The following HMGN4 variants were observed in gnomAD, a reference collection of about 807,000 sequenced individuals.
HMGN4 encodes high mobility group nucleosomal binding domain 4, also known as high mobility group nucleosome-binding domain-containing protein 4.
For missense variants in HMGN4, 69 were observed against 104.9 expected (o/e 0.66, Z 1.49); for synonymous variants, 39 against 39.1 (o/e 1.00, Z 0.01).
chr6:26,540,709 T>C (rs1419934295), intron 1 of HMGN4, among the ~76,000 whole-genome samples: 2 of 152,206 alleles, frequency 1.3e-5, no homozygotes, highest in African/African-American at 4.8e-5. Context: ...TTCTTAACTT[T>C]CTTCCAGATC....
intron 1 of HMGN4, among the ~76,000 whole-genome samples, chr6:26,540,614 G>A (rs1358701004): frequency 6.6e-6 from 1 of 152,124 alleles, no homozygotes; most frequent in Non-Finnish European, 1.5e-5. Flanking sequence ...GATTACAGGC[G>A]TGAGCCACCA....
intron 1 of HMGN4, among the ~76,000 whole-genome samples, chr6:26,544,562 C>T (rs1413708974): frequency 1.3e-5 from 2 of 150,202 alleles, no homozygotes; most frequent in Non-Finnish European, 1.5e-5. Flanking sequence ...CTGTCCACAC[C>T]TCCAAGAATC....
chr6:26,543,780 A>C (rs1160624087), intron 1 of HMGN4, among the ~76,000 whole-genome samples: 1 of 146,692 alleles, frequency 6.8e-6, no homozygotes, highest in Non-Finnish European at 1.5e-5. Context: ...AAAAAAAAAA[A>C]AAAAAAAAAA....
At chr6:26,541,619 A>G (rs1392407871) in intron 1 of HMGN4, among the ~76,000 whole-genome samples, 1 of 152,178 alleles carries the variant, frequency 6.6e-6, no homozygotes, top group Non-Finnish European at 1.5e-5. Context: ...GGGCCCACCC[A>G]TAATACCCTA....
At chr6:26,541,227 G>A (rs927523536) in intron 1 of HMGN4, among the ~76,000 whole-genome samples, 1 of 152,052 alleles carries the variant, frequency 6.6e-6, no homozygotes, top group African/African-American at 2.4e-5. Flanking sequence ...TGTATTTTTA[G>A]TAGAGATAGG....
At chr6:26,544,737 T>C (rs1764328179) in intron 1 of HMGN4, among the ~76,000 whole-genome samples, 1 of 152,228 alleles carries the variant, frequency 6.6e-6, no homozygotes, top group Non-Finnish European at 1.5e-5. Flanking sequence ...CCCTTGATAT[T>C]GTCAGACAAC....
intron 1 of HMGN4, among the ~76,000 whole-genome samples, chr6:26,543,768 C>CAAAAA (rs60635902): frequency 2.6e-5 from 1 of 38,332 alleles, no homozygotes; most frequent in Non-Finnish European, 4.2e-5. Context: ...GACTCTATCT[C>CAAAAA]AAAAAAAAAA....
chr6:26,545,546 C>G lies in HMGN4; in HGVS notation c.*67C>G. On this transcript the variant is annotated 3_prime_UTR_variant, in exon 2 of 2. Coordinates refer to ENST00000377575, the MANE Select transcript of HMGN4 (RefSeq NM_006353.3). Reference sequence around the variant, plus strand: ...TGTTTGAAATACTATTTTTTTAAATCAAGTTTTATAAAAGTGTAGAATTTT... The same window carrying G: ...TGTTTGAAATACTATTTTTTTAAATGAAGTTTTATAAAAGTGTAGAATTTT... 2.1e-6 allele frequency: 3 copies of G among 1,426,424 alleles called. No individual in the cohort carries two copies. The highest frequency in any genetic ancestry group is 2.8e-6 in the Non-Finnish European group (3 of 1,071,134). The allele number at this position is 1,426,424 out of a possible 1,614,324, so 88.4% of individuals were successfully genotyped here.
Position 26,542,092 on chromosome 6 carries a change from TTAA to T in HMGN4, c.-80-3030_-80-3028del, listed in dbSNP as rs1330741808. ...ATTACTAGTAAGATTTATCTGCCAGTTAATAATTTTTCTTTTCTTCCACATGCA... is the reference window on the plus strand; with the variant it reads ...ATTACTAGTAAGATTTATCTGCCAGTTAATTTTTCTTTTCTTCCACATGCA... On this transcript the variant is annotated intron_variant, in intron 1 of 1. Transcript: ENST00000377575. This position sits in a 1 kb window ranked among gnomAD's most constrained non-coding sequence, Gnocchi z 4.6. 6.6e-6 allele frequency among the ~76,000 whole-genome samples: 1 copy of T among 152,258 alleles called. No individual in the cohort carries two copies.
Position 26,545,571 on chromosome 6 carries a change from T to C in HMGN4, c.*92T>C, listed in dbSNP as rs1764339728. On this transcript the variant is annotated 3_prime_UTR_variant, in exon 2 of 2. Transcript: ENST00000377575. ...CAAGTTTTATAAAAGTGTAGAATTT[T>C]GGCTTTTTTAAGTTATGTTGTTAGC... 2.2e-6 allele frequency: 3 copies of C among 1,375,124 alleles called. No individual in the cohort carries two copies. Among genetic ancestry groups the C allele is most frequent in the South Asian group, 1.7e-5 (1 of 59,666 alleles). The allele number at this position is 1,375,124 out of a possible 1,614,324, so 85.2% of individuals were successfully genotyped here.
At chr6:26,543,787 A>C (rs944493329) in intron 1 of HMGN4, among the ~76,000 whole-genome samples, 2 of 148,142 alleles carry the variant, frequency 1.4e-5, no homozygotes, top group African/African-American at 4.9e-5. Flanking sequence ...AAAAAAAAAA[A>C]AAAAAAAACT....
At chr6:26,540,365 T>G (rs6913398) in intron 1 of HMGN4, among the ~76,000 whole-genome samples, 75,222 of 150,366 alleles carry the variant, frequency 0.5, 19,094 homozygotes, top group East Asian at 0.74. Context: ...GACCGGGTCT[T>G]GCTCTGTCAC....
Position 26,542,126 on chromosome 6 carries a change from G to A in HMGN4, c.-80-3001G>A, listed in dbSNP as rs185100572. 6.6e-5 allele frequency among the ~76,000 whole-genome samples: 10 copies of A among 152,178 alleles called. No homozygotes were observed. In the East Asian group the frequency reaches 1.9e-3, roughly 29 times the overall value. The stretch of plus-strand genomic sequence containing the variant: ...TTTCTTTTCTTCCACATGCATGAAG[G>A]AGTATTTGTAATGACTTTTATATTT... On this transcript the variant is annotated intron_variant, in intron 1 of 1. Coordinates refer to ENST00000377575, the MANE Select transcript of HMGN4 (RefSeq NM_006353.3). The surrounding 1 kb of genome is among the most constrained non-coding windows in gnomAD (Gnocchi z 4.6).
At chr6:26,539,171 ATTTC>A (rs1764255720) in intron 1 of HMGN4, among the ~76,000 whole-genome samples, 1 of 152,168 alleles carries the variant, frequency 6.6e-6, no homozygotes, top group Admixed American at 6.5e-5. Flanking sequence ...CCTAAGAGGG[ATTTC>A]TTTCTTAGAT....
chr6:26,543,066 G>C (rs1764305923), intron 1 of HMGN4, among the ~76,000 whole-genome samples: 1 of 152,060 alleles, frequency 6.6e-6, no homozygotes, highest in Admixed American at 6.6e-5. Flanking sequence ...TAACATAAAG[G>C]CCTCTAAAAA....
chr6:26,541,698 ATCT>A lies in HMGN4; in HGVS notation c.-81+3204_-81+3206del, dbSNP rs772301352. 4.6e-3 allele frequency among the ~76,000 whole-genome samples: 697 copies of A among 152,150 alleles called. 6 individuals carry two copies. Among genetic ancestry groups the A allele is most frequent in the Non-Finnish European group, 7.8e-3 (531 of 68,002 alleles). On this transcript the variant is annotated intron_variant, in intron 1 of 1. Transcript: ENST00000377575. ...TTTGCCAGTTAATTTAAACATCATG[ATCT>A]TCTTCTAATGATAAAAATGCAAGTC...
chr6:26,540,545 G>A (rs577081061), intron 1 of HMGN4, among the ~76,000 whole-genome samples: 7 of 152,232 alleles, frequency 4.6e-5, no homozygotes, highest in African/African-American at 1.7e-4. Context: ...TGTTGGCCAG[G>A]CTGGTCTTGA....
intron 1 of HMGN4, among the ~76,000 whole-genome samples, chr6:26,543,065 G>T (rs2113583308): frequency 6.6e-6 from 1 of 152,168 alleles, no homozygotes; most frequent in Non-Finnish European, 1.5e-5. Flanking sequence ...ATAACATAAA[G>T]GCCTCTAAAA....
At position 26,545,616 on chromosome 6, in the gene HMGN4, TGTC is replaced by T; in HGVS notation, c.*138_*140del. 1 of 655,784 alleles carries T rather than the reference TGTC, an allele frequency of 1.5e-6. No individual in the cohort carries two copies. Among genetic ancestry groups the T allele is most frequent in the East Asian group, 3.2e-5 (1 of 30,944 alleles). The allele number at this position is 655,784 out of a possible 1,614,324, so 40.6% of individuals were successfully genotyped here. The stretch of plus-strand genomic sequence containing the variant: ...GTTAGCACACAGGACACTTCCTTGT[TGTC>T]TTTTGTGGAAAGGGCAAGTACCACT... On this transcript the variant is annotated 3_prime_UTR_variant, in exon 2 of 2. Transcript: ENST00000377575.
Sources: allele counts gnomAD v4.1 joint callset (sites outside exome capture counted in the v4.1 genomes callset), GRCh38; gene constraint gnomAD v4.1.1; non-coding constraint Gnocchi (gnomAD v3.1); transcripts MANE v1.5; gene names NCBI Gene and HGNC (gene_info 2026-07-23, HGNC 2026-07-21).